The following MAP9 variants were observed in gnomAD, a reference collection of about 807,000 sequenced individuals.
MAP9 encodes the protein microtubule associated protein 9.
Under a neutral mutation model 75.2 loss-of-function variants are expected in MAP9, and 80 were observed. That is an observed-to-expected ratio of 1.06 (90% CI 0.89 to 1.28). MAP9 has a LOEUF of 1.28. Among genes scored for constraint, MAP9 ranks in the 50% most tolerant of loss-of-function variants. The pLI is 0.00. For synonymous variants in MAP9, 235 were observed against 237.3 expected, an observed-to-expected ratio of 0.99 and a Z score of 0.09; for missense variants, 753 against 719.9, an observed-to-expected ratio of 1.05 and a Z score of -0.53.
At chr4:155,359,929 T>C (rs1424674512) in intron 7 of MAP9, among the ~76,000 whole-genome samples, 1 of 152,086 alleles carries the variant, frequency 6.6e-6, no homozygotes, top group East Asian at 1.9e-4. Flanking sequence ...TAAAAGTATA[T>C]TATGATCACA....
At chr4:155,352,043 TAAGTA>T (rs1361878349) in intron 13 of MAP9, among the ~76,000 whole-genome samples, 4 of 151,972 alleles carry the variant, frequency 2.6e-5, no homozygotes, top group Admixed American at 6.6e-5. Context: ...TTTATAAAGA[TAAGTA>T]AAGTGAAATC....
At chr4:155,365,833 AATT>A (rs1732297349) in intron 5 of MAP9, among the ~76,000 whole-genome samples, 2 of 152,170 alleles carry the variant, frequency 1.3e-5, no homozygotes, top group African/African-American at 4.8e-5. Context: ...CCCCATGTAC[AATT>A]ATTATTTTTC....
chr4:155,370,978 G>A (rs1732567752), intron 4 of MAP9, among the ~76,000 whole-genome samples: 1 of 152,106 alleles, frequency 6.6e-6, no homozygotes, highest in Non-Finnish European at 1.5e-5. Context: ...AGAACAAAGA[G>A]GTCTCATGCC....
At position 155,360,132 on chromosome 4, in the gene MAP9, A is replaced by T. The variant is rs745695280; in HGVS notation, c.1050+36T>A. 5.1e-6 allele frequency: 8 copies of T among 1,578,074 alleles called. No individual in the cohort carries two copies. In the South Asian group the frequency reaches 7.9e-5, roughly 16 times the overall value. ...TCTTAAAGTTCTATTTCAAGTTTTA[A>T]GCTGTAGTATGAAAAGTATGAATTT... On this transcript the variant is annotated intron_variant, in intron 7 of 13. Transcript: ENST00000311277.
chr4:155,350,731 T>C lies in MAP9; in HGVS notation c.1821+1865A>G, dbSNP rs905843584. Reference sequence around the variant, plus strand: ...TCTGCATCGAATTAGCATATAGCAGTACTAAACTCAACACACAGAGTAAAT... The same window carrying C: ...TCTGCATCGAATTAGCATATAGCAGCACTAAACTCAACACACAGAGTAAAT... On this transcript the variant is annotated intron_variant, in intron 13 of 13. Coordinates refer to ENST00000311277, the MANE Select transcript of MAP9 (RefSeq NM_001039580.2). Among the ~76,000 whole-genome samples, 3 of 151,994 alleles carry C rather than the reference T, an allele frequency of 2.0e-5. No homozygotes were observed. In the South Asian group the frequency reaches 6.2e-4, roughly 31 times the overall value.
chr4:155,355,216 AT>A, intron 9 of MAP9, 56 bp from the exon 10 acceptor site: 1 of 540,924 alleles, frequency 1.8e-6, no homozygotes, highest in Non-Finnish European at 3.0e-6. Context: ...GTGAATTAGA[AT>A]TCTTTATATT....
At chr4:155,355,042 A>G in intron 10 of MAP9, 29 bp downstream of exon 10, 2 of 1,081,968 alleles carry the variant, frequency 1.8e-6, no homozygotes, top group South Asian at 3.1e-5. Context: ...AAAAATCCAA[A>G]ACATTTTTAC....
chr4:155,375,994 G>T, intron 1 of MAP9, 80 bp from the exon 2 acceptor site: 1 of 556,084 alleles, frequency 1.8e-6, no homozygotes, highest in Non-Finnish European at 3.2e-6. Flanking sequence ...CCCCACAAAG[G>T]TCAAAGAAAA....
intron 5 of MAP9, chr4:155,362,820 T>G (rs1267269609): frequency 6.6e-6 from 1 of 151,650 alleles, no homozygotes; most frequent in Non-Finnish European, 1.5e-5. Flanking sequence ...TCCGCAGTAT[T>G]TTATGGGTGC....
intron 3 of MAP9, among the ~76,000 whole-genome samples, chr4:155,374,376 A>G (rs1342983148): frequency 6.6e-6 from 1 of 151,940 alleles, no homozygotes; most frequent in African/African-American, 2.4e-5. Flanking sequence ...CCAAGTTTAG[A>G]ATTCTGTATG....
At position 155,353,193 on chromosome 4, in the gene MAP9, C is replaced by T. The variant is rs1276742376; in HGVS notation, c.1528G>A (p.Gly510Arg). Residue 510 changes from glycine (G) to arginine (R), a missense_variant, in exon 11 of 14, where the codon GGA (glycine) becomes AGA (arginine). Transcript: ENST00000311277. ...GTTCTGAATACTTGTAGTGCTTCTC[C>T]TTTTCTTGCAGCATTTTCTTCTTCA... ...KTEEENAARK[G>R]EALQAFEKWK... is the part of the protein sequence containing the mutation. The T allele has an allele frequency of 6.9e-6, 11 of 1,594,016 alleles. No homozygotes were observed. The highest frequency in any genetic ancestry group is 9.4e-6 in the Non-Finnish European group (11 of 1,172,858).
chr4:155,358,623 G>A (rs1333438980), intron 7 of MAP9, among the ~76,000 whole-genome samples: 6 of 152,040 alleles, frequency 3.9e-5, no homozygotes, highest in African/African-American at 1.2e-4. Flanking sequence ...AATTTTTAAA[G>A]TATAGCACTC....
chr4:155,376,869 T>A lies in MAP9; in HGVS notation c.-163A>T, dbSNP rs1367534351. 1.3e-5 allele frequency: 2 copies of A among 152,660 alleles called. No homozygotes were observed. Among genetic ancestry groups the A allele is most frequent in the African/African-American group, 4.8e-5 (2 of 41,388 alleles). The allele number at this position is 152,660 out of a possible 1,614,324, so 9.5% of individuals were successfully genotyped here. Reference sequence around the variant, plus strand: ...GGAGGGCGGTTGCTAGGAAACAGCGTCTTCGGGAGGAAGTGACTTCCCCAC... The same window carrying A: ...GGAGGGCGGTTGCTAGGAAACAGCGACTTCGGGAGGAAGTGACTTCCCCAC... On this transcript the variant is annotated 5_prime_UTR_variant, in exon 1 of 14. Coordinates refer to ENST00000311277, the MANE Select transcript of MAP9 (RefSeq NM_001039580.2).
intron 3 of MAP9, 97 bp downstream of exon 3, chr4:155,374,840 C>A: frequency 1.6e-6 from 1 of 628,404 alleles, no homozygotes; most frequent in Non-Finnish European, 2.6e-6. Flanking sequence ...TTTTAACATA[C>A]GTGATTGAGG....
At chr4:155,362,871 T>C (rs781147345) in intron 5 of MAP9, 1 of 152,166 alleles carries the variant, frequency 6.6e-6, no homozygotes, top group African/African-American at 2.4e-5. Context: ...AGAAAACATT[T>C]GAGAAAATGG....
intron 7 of MAP9, among the ~76,000 whole-genome samples, chr4:155,359,113 C>T (rs978762720): frequency 6.6e-6 from 1 of 151,636 alleles, no homozygotes; most frequent in Non-Finnish European, 1.5e-5. Context: ...AAAAAAGATA[C>T]CTGCACTCAT....
At chr4:155,364,119 C>A (rs1049547822) in intron 5 of MAP9, among the ~76,000 whole-genome samples, 4 of 152,070 alleles carry the variant, frequency 2.6e-5, no homozygotes, top group African/African-American at 9.6e-5. Flanking sequence ...ACAAAATCAA[C>A]ACATTATATA....
chr4:155,372,787 C>G (rs1732658382), intron 4 of MAP9, among the ~76,000 whole-genome samples: 1 of 152,130 alleles, frequency 6.6e-6, no homozygotes, highest in Admixed American at 6.6e-5. Context: ...CATTCCATTC[C>G]AGTTCCACAC....
rs1248513991 is a variant in MAP9, at chr4:155,344,975, A to T, written c.*2808T>A. On this transcript the variant is annotated 3_prime_UTR_variant, in exon 14 of 14. Coordinates refer to ENST00000311277, the MANE Select transcript of MAP9 (RefSeq NM_001039580.2). ...CCGGAACTTTTATATGAAAGTCTAT[A>T]TACTTTTAATGTCCTTAATTTGAAT... 1 of 151,998 alleles carries T rather than the reference A, an allele frequency of 6.6e-6. No homozygotes were observed. Among genetic ancestry groups the T allele is most frequent in the East Asian group, 1.9e-4 (1 of 5,202 alleles). The allele number at this position is 151,998 out of a possible 1,614,324, so 9.4% of individuals were successfully genotyped here. A position where few individuals can be genotyped will look rare whatever the true frequency, so the allele number is the denominator to read the frequency against.
Sources: gnomAD v4.1 joint callset for allele counts (sites outside exome capture counted in the v4.1 genomes callset) on GRCh38, gnomAD v4.1.1 for gene constraint, MANE v1.5 for transcripts, NCBI Gene and HGNC (gene_info 2026-07-23, HGNC 2026-07-21) for gene names.